The following PTCHD1 variants were observed in gnomAD, a reference collection of about 807,000 sequenced individuals.
PTCHD1 encodes the protein patched domain containing 1, also known as patched domain-containing protein 1.
Under a neutral mutation model 34.6 loss-of-function variants are expected in PTCHD1, and 3 were observed. The observed-to-expected ratio is 0.09, with a 90% CI of 0.04 to 0.22. PTCHD1 has a LOEUF of 0.22. PTCHD1 is among the 10% of genes least tolerant of loss of function. The pLI is 1.00. For missense variants in PTCHD1, 504 were observed against 685.5 expected (o/e 0.74, Z 2.96); for synonymous variants, 305 against 283.1 (o/e 1.08, Z -0.77).
intron 1 of PTCHD1, among the ~76,000 whole-genome samples, chrX:23,349,330 A>T (rs1034007088): frequency 1.8e-5 from 2 of 112,128 alleles, no homozygotes; most frequent in South Asian, 7.4e-4. Context: ...TTTAAGTGTG[A>T]ATGGTATAAA....
intron 1 of PTCHD1, among the ~76,000 whole-genome samples, chrX:23,353,737 G>A (rs969253196): frequency 3.6e-5 from 4 of 112,474 alleles, no homozygotes; most frequent in Non-Finnish European, 5.6e-5. Flanking sequence ...TTAAAGCAGA[G>A]GAAAGACAGA....
chrX:23,390,357 A>G (rs938744206), intron 2 of PTCHD1, among the ~76,000 whole-genome samples: 2 of 110,386 alleles, frequency 1.8e-5, no homozygotes, highest in Admixed American at 9.6e-5. Context: ...AAAAAAAACA[A>G]TATTATTTCT....
chrX:23,404,235 T>C lies in PTCHD1; in HGVS notation c.*10050T>C, dbSNP rs1361433592. 1 of 112,525 alleles carries C rather than the reference T, an allele frequency of 8.9e-6. No individual in the cohort carries two copies. The highest frequency in any genetic ancestry group is 1.9e-5 in the Non-Finnish European group (1 of 53,312). The allele number at this position is 112,525 out of a possible 1,213,427, so 9.3% of individuals were successfully genotyped here. A position where few individuals can be genotyped will look rare whatever the true frequency, so the allele number is the denominator to read the frequency against. On this transcript the variant is annotated 3_prime_UTR_variant, in exon 3 of 3. Coordinates refer to ENST00000379361, the MANE Select transcript of PTCHD1 (RefSeq NM_173495.3). Reference sequence around the variant, plus strand: ...TCAAATTTCGAATGTAAAGGAGATTTCAAATGTATTGCTTTCACCTTTTCT... The same window carrying C: ...TCAAATTTCGAATGTAAAGGAGATTCCAAATGTATTGCTTTCACCTTTTCT...
chrX:23,336,372 A>G (rs1921169871), intron 1 of PTCHD1, among the ~76,000 whole-genome samples: 1 of 110,985 alleles, frequency 9.0e-6, no homozygotes. Context: ...ATGGAAGGTG[A>G]TCGTTTTGTG....
At chrX:23,383,840 A>G (rs1922622237) in intron 2 of PTCHD1, among the ~76,000 whole-genome samples, 2 of 112,432 alleles carry the variant, frequency 1.8e-5, no homozygotes, top group South Asian at 3.7e-4. Context: ...GCATAAAATA[A>G]TAACCCTTTC....
intron 2 of PTCHD1, among the ~76,000 whole-genome samples, chrX:23,386,689 T>A (rs1278734571): frequency 8.9e-6 from 1 of 112,899 alleles, no homozygotes; most frequent in East Asian, 2.7e-4. Context: ...GAAGCTTTTC[T>A]AAGAATAAAA....
chrX:23,388,621 A>C (rs941842775), intron 2 of PTCHD1, among the ~76,000 whole-genome samples: 1 of 111,369 alleles, frequency 9.0e-6, no homozygotes, highest in African/African-American at 3.3e-5. Context: ...ACCTGAGGTC[A>C]AGAGTTCAAG....
intron 1 of PTCHD1, among the ~76,000 whole-genome samples, chrX:23,356,224 A>G (rs1348658279): frequency 1.8e-5 from 2 of 112,026 alleles, no homozygotes; most frequent in African/African-American, 6.5e-5. Context: ...TTGCGTGCCT[A>G]CTCTCCACAT....
At chrX:23,379,302 C>G (rs1922493004) in intron 1 of PTCHD1, among the ~76,000 whole-genome samples, 1 of 111,648 alleles carries the variant, frequency 9.0e-6, no homozygotes, top group Admixed American at 9.5e-5. Context: ...TGCGAAAACC[C>G]AGATTCCTGG....
intron 1 of PTCHD1, among the ~76,000 whole-genome samples, chrX:23,351,656 G>A (rs1438575771): frequency 8.9e-6 from 1 of 112,288 alleles, no homozygotes; most frequent in Non-Finnish European, 1.9e-5. Context: ...GATATTTTTA[G>A]GTACTCCCTT....
At chrX:23,337,953 G>A (rs1448322307) in intron 1 of PTCHD1, among the ~76,000 whole-genome samples, 3 of 111,909 alleles carry the variant, frequency 2.7e-5, no homozygotes, top group Non-Finnish European at 3.8e-5. Context: ...AGGGAGTGAT[G>A]ACAGAAAACG....
At chrX:23,352,298 G>C (rs1376033043) in intron 1 of PTCHD1, among the ~76,000 whole-genome samples, 1 of 111,840 alleles carries the variant, frequency 8.9e-6, no homozygotes, top group Non-Finnish European at 1.9e-5. Flanking sequence ...CTGTGAGCTT[G>C]GTGACCAACT....
chrX:23,380,085 G>A lies in PTCHD1; in HGVS notation c.846G>A (p.Met282Ile), dbSNP rs752003362. 8.3e-7 allele frequency: 1 copy of A among 1,212,006 alleles called. No individual in the cohort carries two copies. Among genetic ancestry groups the A allele is most frequent in the Non-Finnish European group, 1.1e-6 (1 of 895,537 alleles). Residue 282 changes from methionine (M) to isoleucine (I), a missense_variant, in exon 2 of 3, where the codon ATG (methionine) becomes ATA (isoleucine). Physicochemically the swap from Met to Ile is conservative, Grantham distance 10. Coordinates refer to ENST00000379361, the MANE Select transcript of PTCHD1 (RefSeq NM_173495.3). ...CCAGCCTGATTCTGGTGGTTACCAT[G>A]GCCATCCTGTGTTGCTCTATGCAGG... is the stretch of plus-strand genomic sequence containing the variant. The part of the protein sequence containing the change: ...LVTSLILVVT[M>I]AILCCSMQDC...
chrX:23,375,328 C>G (rs1174991530), intron 1 of PTCHD1, among the ~76,000 whole-genome samples: 3 of 92,764 alleles, frequency 3.2e-5, no homozygotes, highest in African/African-American at 1.3e-4. Flanking sequence ...CTCGTTCTGT[C>G]GCCCAGGCGG....
intron 1 of PTCHD1, among the ~76,000 whole-genome samples, chrX:23,377,385 T>C (rs1006029965): frequency 8.9e-6 from 1 of 112,198 alleles, no homozygotes; most frequent in African/African-American, 3.2e-5. Flanking sequence ...AAAATAACCT[T>C]TTATAATTTG....
intron 1 of PTCHD1, among the ~76,000 whole-genome samples, chrX:23,354,333 C>CT (rs1177552432): frequency 3.7e-5 from 4 of 107,347 alleles, no homozygotes; most frequent in African/African-American, 1.4e-4. Flanking sequence ...ATCCTTGCAC[C>CT]TTATCTATCT....
intron 1 of PTCHD1, among the ~76,000 whole-genome samples, chrX:23,349,159 C>T (rs1324204444): frequency 5.4e-5 from 6 of 110,746 alleles, no homozygotes; most frequent in African/African-American, 2.0e-4. Context: ...AAAATTGATA[C>T]ACTAACAGAG....
chrX:23,337,658 A>AAG (rs1397388844), intron 1 of PTCHD1, among the ~76,000 whole-genome samples: 1 of 111,394 alleles, frequency 9.0e-6, no homozygotes, highest in African/African-American at 3.3e-5. Context: ...TAGCATTGAC[A>AAG]GTTAACACTA....
chrX:23,361,173 T>C (rs887022093), intron 1 of PTCHD1, among the ~76,000 whole-genome samples: 1 of 111,699 alleles, frequency 9.0e-6, no homozygotes, highest in Non-Finnish European at 1.9e-5. Flanking sequence ...GTCTGCTTGG[T>C]GCAGAGCTGA....
Sources: gnomAD v4.1 joint callset for allele counts (sites outside exome capture counted in the v4.1 genomes callset) on GRCh38, gnomAD v4.1.1 for gene constraint, MANE v1.5 for transcripts, NCBI Gene and HGNC (gene_info 2026-07-23, HGNC 2026-07-21) for gene names.